ATP6V1A: variants seen among roughly 807,000 people sequenced by gnomAD.
ATP6V1A encodes the protein V-type proton ATPase catalytic subunit A.
A neutral mutation model predicts 70.1 loss-of-function variants in ATP6V1A; 18 were observed. The observed-to-expected ratio is 0.26, with a 90% confidence interval of 0.18 to 0.38. ATP6V1A has a LOEUF of 0.38. Ranked by LOEUF, ATP6V1A falls within the 10% of genes least tolerant of loss-of-function variation. The probability of loss-of-function intolerance (pLI) is 1.00; values close to 1 mark genes in which losing one functional copy is unlikely to be tolerated. For synonymous variants in ATP6V1A, 232 were observed against 253.8 expected (o/e 0.91, Z 0.82); for missense variants, 424 against 772.4 (o/e 0.55, Z 5.35).
At chr3:113,796,164 A>C (rs142166149) in intron 11 of ATP6V1A, among the ~76,000 whole-genome samples, 11 of 152,228 alleles carry the variant, frequency 7.2e-5, no homozygotes, top group Non-Finnish European at 5.9e-5. Context: ...TTAATAATAT[A>C]TAAGTGGAAA....
chr3:113,783,130 GGTTCTT>G, intron 3 of ATP6V1A, among the ~76,000 whole-genome samples: 1 of 151,988 alleles, frequency 6.6e-6, no homozygotes, highest in Non-Finnish European at 1.5e-5. Context: ...TGATAACTCT[GGTTCTT>G]TTTTTTACAG....
intron 6 of ATP6V1A, among the ~76,000 whole-genome samples, chr3:113,787,909 C>G (rs910732635): frequency 5.9e-5 from 9 of 152,276 alleles, no homozygotes; most frequent in Admixed American, 3.3e-4. Flanking sequence ...CTATCTCTCT[C>G]TCTTTCTCTC....
At chr3:113,748,858 G>GAT (rs1042157118) in intron 1 of ATP6V1A, among the ~76,000 whole-genome samples, 7 of 152,064 alleles carry the variant, frequency 4.6e-5, no homozygotes, top group Admixed American at 1.3e-4. Context: ...GCCTGCTGTA[G>GAT]ATATATATAT....
intron 1 of ATP6V1A, among the ~76,000 whole-genome samples, chr3:113,751,208 T>G (rs1014147717): frequency 2.6e-5 from 4 of 152,138 alleles, no homozygotes; most frequent in Non-Finnish European, 5.9e-5. Flanking sequence ...AGTGTTTTTA[T>G]ATCTTATTTT....
rs748116302 is a variant in ATP6V1A at position 113,810,559 on chromosome 3, A to G, written c.*1132A>G. 1 of 152,208 alleles carries G rather than the reference A, an allele frequency of 6.6e-6. No individual in the cohort carries two copies. Among genetic ancestry groups the G allele is most frequent in the Non-Finnish European group, 1.5e-5 (1 of 68,038 alleles). 9.4% of individuals were successfully genotyped at this position (152,208 alleles called of 1,614,324 possible). A position where few individuals can be genotyped will look rare whatever the true frequency, so the allele number is the denominator to read the frequency against. ...TTTTAAAATGACACTTAAAACAATCACTGAAAACTTGATCCACATCACACC... is the reference window on the plus strand; with the variant it reads ...TTTTAAAATGACACTTAAAACAATCGCTGAAAACTTGATCCACATCACACC... On this transcript the variant is annotated 3_prime_UTR_variant, in exon 15 of 15. Transcript: ENST00000273398.
Position 113,810,825 on chromosome 3 carries a change from G to A in ATP6V1A, c.*1398G>A, listed in dbSNP as rs1322901688. Reference sequence around the variant, plus strand: ...TTGTTGAATTTTTGAACAGCCAGTTGACCAATCATAGAAAGTATTACTTTC... The same window carrying A: ...TTGTTGAATTTTTGAACAGCCAGTTAACCAATCATAGAAAGTATTACTTTC... On this transcript the variant is annotated 3_prime_UTR_variant, in exon 15 of 15. Coordinates refer to ENST00000273398, the MANE Select transcript of ATP6V1A (RefSeq NM_001690.4). The A allele has an allele frequency of 1.3e-5, 2 of 152,200 alleles. No homozygotes were observed. Among genetic ancestry groups the A allele is most frequent in the Non-Finnish European group, 2.9e-5 (2 of 68,044 alleles). 9.4% of individuals were successfully genotyped at this position (152,200 alleles called of 1,614,324 possible). A position where few individuals can be genotyped will look rare whatever the true frequency, so the allele number is the denominator to read the frequency against.
chr3:113,784,601 T>C, intron 4 of ATP6V1A, 95 bp from the exon 5 acceptor site: 1 of 1,484,548 alleles, frequency 6.7e-7, no homozygotes. Context: ...TAATGTTTTA[T>C]TGATAAGTCA....
At position 113,810,793 on chromosome 3, in the gene ATP6V1A, T is replaced by G. The variant is rs947859539; in HGVS notation, c.*1366T>G. 3.3e-5 allele frequency: 5 copies of G among 152,266 alleles called. No homozygotes were observed. Among genetic ancestry groups the G allele is most frequent in the African/African-American group, 7.2e-5 (3 of 41,468 alleles). 9.4% of individuals were successfully genotyped at this position (152,266 alleles called of 1,614,324 possible). A position where few individuals can be genotyped will look rare whatever the true frequency, so the allele number is the denominator to read the frequency against. Reference sequence around the variant, plus strand: ...GACATATGTCACATGTTTGCATGTTTGTTTGCTTGTTGAATTTTTGAACAG... The same window carrying G: ...GACATATGTCACATGTTTGCATGTTGGTTTGCTTGTTGAATTTTTGAACAG... On this transcript the variant is annotated 3_prime_UTR_variant, in exon 15 of 15. Coordinates refer to ENST00000273398, the MANE Select transcript of ATP6V1A (RefSeq NM_001690.4).
intron 1 of ATP6V1A, among the ~76,000 whole-genome samples, chr3:113,767,124 C>T (rs1308782881): frequency 1.6e-5 from 2 of 127,526 alleles, no homozygotes; most frequent in African/African-American, 6.1e-5. Flanking sequence ...CAGAGTCTTG[C>T]TCTGGCGCCC....
At chr3:113,782,982 T>C (rs922541118) in intron 3 of ATP6V1A, among the ~76,000 whole-genome samples, 1 of 152,152 alleles carries the variant, frequency 6.6e-6, no homozygotes, top group Non-Finnish European at 1.5e-5. Context: ...TATAGTAAAA[T>C]GTTAAATATA....
chr3:113,785,192 A>G (rs1010399579), intron 5 of ATP6V1A, among the ~76,000 whole-genome samples: 2 of 152,244 alleles, frequency 1.3e-5, no homozygotes, highest in African/African-American at 2.4e-5. Context: ...CTGTAATCCC[A>G]ACACTTTGGG....
intron 1 of ATP6V1A, among the ~76,000 whole-genome samples, chr3:113,753,669 T>G (rs1708614634): frequency 6.6e-6 from 1 of 151,524 alleles, no homozygotes; most frequent in African/African-American, 2.4e-5. Flanking sequence ...CCAAGTACAT[T>G]CTGAAAGGAT....
chr3:113,784,913 T>G, intron 5 of ATP6V1A, 80 bp downstream of exon 5: 1 of 1,397,996 alleles, frequency 7.2e-7, no homozygotes, highest in Non-Finnish European at 9.7e-7. Flanking sequence ...CCCTAAGTAA[T>G]TAAAGAATTG....
At chr3:113,780,116 T>C (rs1456183453) in intron 2 of ATP6V1A, among the ~76,000 whole-genome samples, 2 of 152,332 alleles carry the variant, frequency 1.3e-5, no homozygotes, top group East Asian at 3.9e-4. Context: ...TAAATTTCAT[T>C]ATCTCTGGTA....
intron 1 of ATP6V1A, among the ~76,000 whole-genome samples, chr3:113,756,031 A>C: frequency 6.6e-6 from 1 of 152,222 alleles, no homozygotes; most frequent in East Asian, 1.9e-4. Context: ...TGCTTTCTTA[A>C]TACTTTAGTT....
At chr3:113,757,393 C>G (rs1447646749) in intron 1 of ATP6V1A, among the ~76,000 whole-genome samples, 1 of 152,178 alleles carries the variant, frequency 6.6e-6, no homozygotes, top group Non-Finnish European at 1.5e-5. Flanking sequence ...ATAACTTTCC[C>G]TATACCTCCA....
In ATP6V1A at chr3:113,784,239, G is replaced by C; in HGVS notation, c.227G>C (p.Gly76Ala). ...CTGTTTTTAGCTGGTGTGTCTGTTG[G>C]AGATCCTGTACTTCGCACTGGTAAA... ...VYEETSGVSVGDPVLRTGKPL... is the reference protein window; with the variant it reads ...VYEETSGVSVADPVLRTGKPL... The change falls in exon 4 of 15, where the codon GGA becomes GCA. Residue 76 changes from glycine to alanine, a missense_variant. By Grantham distance (60) the Gly-to-Ala change is moderately conservative. Around this residue, in one of 9 missense-constraint regions of ATP6V1A, gnomAD observed 31 missense variants for 78.6 expected, o/e 0.39. Transcript: ENST00000273398. 6.2e-7 allele frequency: 1 copy of C among 1,614,086 alleles called. No homozygotes were observed. The highest frequency in any genetic ancestry group is 8.5e-7 in the Non-Finnish European group (1 of 1,179,990).
chr3:113,754,231 T>G (rs1407756738), intron 1 of ATP6V1A, among the ~76,000 whole-genome samples: 1 of 152,170 alleles, frequency 6.6e-6, no homozygotes, highest in Non-Finnish European at 1.5e-5. Flanking sequence ...TTTCTGTAAT[T>G]AGGAAAAACA....
intron 14 of ATP6V1A, among the ~76,000 whole-genome samples, chr3:113,807,446 G>A (rs764399833): frequency 8.6e-5 from 13 of 152,040 alleles, no homozygotes; most frequent in African/African-American, 3.1e-4. Context: ...CTCCCAAAGC[G>A]CTGGGATTAC....
Sources: allele counts gnomAD v4.1 joint callset (sites outside exome capture counted in the v4.1 genomes callset), GRCh38; gene constraint gnomAD v4.1.1; regional missense constraint gnomAD v4.1.1; transcripts MANE v1.5; gene names NCBI Gene and HGNC (gene_info 2026-07-23, HGNC 2026-07-21).